The following PHLDB2 variants were observed in gnomAD, a reference collection of about 807,000 sequenced individuals.
The protein encoded by PHLDB2 is pleckstrin homology like domain family B member 2.
In PHLDB2, 71 loss-of-function variants were observed where a neutral mutation model predicts 123.6. That is an observed-to-expected ratio of 0.57 (90% CI 0.47 to 0.70). The LOEUF is 0.70. PHLDB2 is among the 30% of genes least tolerant of loss of function. The pLI is 0.00. For missense variants in PHLDB2, 1,446 were observed against 1,519.5 expected, an observed-to-expected ratio of 0.95 and a Z score of 0.80; for synonymous variants, 547 against 541.6, an observed-to-expected ratio of 1.01 and a Z score of -0.14.
chr3:111,743,951 G>C (rs534706881), intron 1 of PHLDB2, among the ~76,000 whole-genome samples: 2 of 152,182 alleles, frequency 1.3e-5, no homozygotes, highest in East Asian at 3.9e-4. Context: ...AGTTAATTAG[G>C]ATAGATTTGG....
intron 2 of PHLDB2, among the ~76,000 whole-genome samples, chr3:111,901,125 C>T (rs918157151): frequency 2.7e-4 from 41 of 151,992 alleles, no homozygotes; most frequent in Admixed American, 9.8e-4. Flanking sequence ...TTTGGGAGGC[C>T]GAGGCGGGCG....
At chr3:111,919,366 C>A in intron 4 of PHLDB2, 151 bp downstream of exon 4, 1 of 745,524 alleles carries the variant, frequency 1.3e-6, no homozygotes, top group Non-Finnish European at 2.2e-6. Context: ...AGTGAAAATA[C>A]CCTTTTTCTA....
At chr3:111,849,510 T>C (rs1394209173) in intron 2 of PHLDB2, among the ~76,000 whole-genome samples, 1 of 152,184 alleles carries the variant, frequency 6.6e-6, no homozygotes, top group African/African-American at 2.4e-5. Flanking sequence ...GTAAATATAA[T>C]ACTAATACCG....
chr3:111,952,714 T>C lies in PHLDB2; in HGVS notation c.2772+2T>C, dbSNP rs780902555. ...ATGGGGAGAAGCATCACCCCAAAGG[T>C]AGGACCTGGGAGAAACCACGGGCTT... On this transcript the variant is annotated splice_donor_variant, in intron 11 of 17. Coordinates refer to ENST00000431670, the MANE Select transcript of PHLDB2 (RefSeq NM_001134438.2). LOFTEE classifies it high-confidence loss of function. The C allele has an allele frequency of 3.1e-6, 5 of 1,610,808 alleles. No homozygotes were observed. Among genetic ancestry groups the C allele is most frequent in the African/African-American group, 1.3e-5 (1 of 74,694 alleles).
chr3:111,850,630 G>T (rs1227814578), intron 2 of PHLDB2, among the ~76,000 whole-genome samples: 1 of 152,090 alleles, frequency 6.6e-6, no homozygotes, highest in Non-Finnish European at 1.5e-5. Context: ...TGGGTGTGGT[G>T]GCATGCACTT....
chr3:111,966,490 C>T, intron 13 of PHLDB2, 123 bp from the exon 14 acceptor site: 1 of 516,438 alleles, frequency 1.9e-6, no homozygotes, highest in Non-Finnish European at 3.3e-6. Flanking sequence ...TTATGCACCT[C>T]CCTTGACCCC....
In PHLDB2 at chr3:111,953,084, G is replaced by A. The variant is rs150006914; in HGVS notation, c.2772+372G>A. On this transcript the variant is annotated intron_variant, in intron 11 of 17. Coordinates refer to ENST00000431670, the MANE Select transcript of PHLDB2 (RefSeq NM_001134438.2). The stretch of plus-strand genomic sequence containing the variant: ...GACATTTTCATGTAGCTGACGCTGG[G>A]TTGAGCCTTTTATGTGGATTGCTTC... Among the ~76,000 whole-genome samples, 1,202 of 152,296 alleles carry A rather than the reference G, an allele frequency of 7.9e-3. 2 individuals are homozygous for A. Among genetic ancestry groups the A allele is most frequent in the Non-Finnish European group, 0.011 (776 of 68,016 alleles).
At chr3:111,910,721 G>T (rs2067836909) in intron 2 of PHLDB2, among the ~76,000 whole-genome samples, 1 of 152,216 alleles carries the variant, frequency 6.6e-6, no homozygotes, top group South Asian at 2.1e-4. Flanking sequence ...AGGCTGAAGG[G>T]AGAATTATCT....
chr3:111,853,397 T>C (rs2064345378), intron 2 of PHLDB2, among the ~76,000 whole-genome samples: 2 of 152,192 alleles, frequency 1.3e-5, no homozygotes, highest in Admixed American at 1.3e-4. Flanking sequence ...ATCTAAGTAC[T>C]AAAAAGAGTG....
At chr3:111,923,427 T>C (rs1189131653) in intron 5 of PHLDB2, among the ~76,000 whole-genome samples, 1 of 152,240 alleles carries the variant, frequency 6.6e-6, no homozygotes, top group Non-Finnish European at 1.5e-5. Context: ...AACTCAGTTC[T>C]CTTGTACCCT....
chr3:111,812,751 G>C (rs1013719259), intron 1 of PHLDB2, among the ~76,000 whole-genome samples: 2 of 152,188 alleles, frequency 1.3e-5, no homozygotes, highest in Admixed American at 1.3e-4. Context: ...TGCAGAGAAA[G>C]TTAATGAATA....
chr3:111,948,813 T>A, intron 9 of PHLDB2, 119 bp from the exon 10 acceptor site: 1 of 835,538 alleles, frequency 1.2e-6, no homozygotes, highest in Non-Finnish European at 1.9e-6. Flanking sequence ...CATTTGATAA[T>A]ACCACAGATA....
intron 11 of PHLDB2, among the ~76,000 whole-genome samples, chr3:111,953,232 G>T (rs924170376): frequency 1.3e-5 from 2 of 152,122 alleles, no homozygotes; most frequent in African/African-American, 4.8e-5. Context: ...GTATGTAGTG[G>T]AGTGGAATGT....
chr3:111,953,273 T>C (rs540669981), intron 11 of PHLDB2, among the ~76,000 whole-genome samples: 1 of 152,122 alleles, frequency 6.6e-6, no homozygotes, highest in East Asian at 1.9e-4. Context: ...CCGCCCAAGC[T>C]CTCCCTCAGG....
intron 1 of PHLDB2, among the ~76,000 whole-genome samples, chr3:111,809,823 T>C (rs1341417342): frequency 6.6e-6 from 1 of 152,332 alleles, no homozygotes; most frequent in East Asian, 1.9e-4. Context: ...TAAAAGAGTA[T>C]GCAAACTCAA....
chr3:111,903,948 A>G (rs1438762593), intron 2 of PHLDB2, among the ~76,000 whole-genome samples: 1 of 152,090 alleles, frequency 6.6e-6, no homozygotes, highest in Non-Finnish European at 1.5e-5. Flanking sequence ...ATCCAACTCT[A>G]TGTTCTTTCT....
rs745732894 is a variant in PHLDB2 at position 111,884,574 on chromosome 3, G to A, written c.497G>A (p.Gly166Glu). The change falls in exon 2 of 18, where the codon GGG (glycine) becomes GAG (glutamate). Residue 166 changes from glycine to glutamate, a missense_variant. By Grantham distance (98) the Gly-to-Glu change is moderately conservative (BLOSUM62 -2). This residue lies in a region of PHLDB2 where 832 missense variants were observed against 831.9 expected (regional missense o/e 1.00). Transcript: ENST00000431670. Reference protein sequence around the residue: ...KSHDNVYSLGGLEGRKASGSL... With the variant: ...KSHDNVYSLGELEGRKASGSL... ...CATGACAATGTCTACTCTCTTGGAGGGCTGGAAGGTCGGAAGGCATCTGGC... is the reference window on the plus strand; with the variant it reads ...CATGACAATGTCTACTCTCTTGGAGAGCTGGAAGGTCGGAAGGCATCTGGC... 6.2e-7 allele frequency: 1 copy of A among 1,614,126 alleles called. No individual in the cohort carries two copies. The highest frequency in any genetic ancestry group is 1.1e-5 in the South Asian group (1 of 91,074).
upstream of PHLDB2, among the ~76,000 whole-genome samples, chr3:111,859,010 T>C (rs942313420): frequency 6.6e-6 from 1 of 152,152 alleles, no homozygotes; most frequent in African/African-American, 2.4e-5. Context: ...AGAGATATGA[T>C]TGCAAGAAAA....
chr3:111,805,228 A>T (rs1319612194), intron 1 of PHLDB2, among the ~76,000 whole-genome samples: 1 of 152,196 alleles, frequency 6.6e-6, no homozygotes, highest in Non-Finnish European at 1.5e-5. Context: ...AGAACAAATT[A>T]TGATATATCC....
Sources: gnomAD v4.1 joint callset for allele counts (sites outside exome capture counted in the v4.1 genomes callset) on GRCh38, gnomAD v4.1.1 for gene constraint, gnomAD v4.1.1 regional missense constraint, MANE v1.5 for transcripts, NCBI Gene and HGNC (gene_info 2026-07-23, HGNC 2026-07-21) for gene names.